SPNS3: variants seen among roughly 807,000 people sequenced by gnomAD.
SPNS3 encodes the protein SPNS lysolipid transporter 3, sphingosine-1-phosphate (putative).
Under a neutral mutation model 54.4 loss-of-function variants are expected in SPNS3, and 51 were observed. That is an observed-to-expected ratio of 0.94 (90% CI 0.75 to 1.18). The LOEUF is 1.18. Among genes scored for constraint, SPNS3 ranks in the 50% most tolerant of loss-of-function variants. The pLI is 0.00. For missense variants in SPNS3, 669 were observed against 677.4 expected (o/e 0.99, Z 0.14); for synonymous variants, 309 against 294.7 (o/e 1.05, Z -0.50).
Position 4,486,088 on chromosome 17 carries a change from C to A in SPNS3, c.1180-140C>A. ...TGATGTTCTGGGGTGGGACTTTAGA[C>A]CTTGGGGACCGTCGACTCCCTCCCA... On this transcript the variant is annotated intron_variant, in intron 9 of 11. Coordinates refer to ENST00000355530, the MANE Select transcript of SPNS3 (RefSeq NM_182538.5). This position sits in a 1 kb window ranked among gnomAD's most constrained non-coding sequence, Gnocchi z 5.5. The A allele has an allele frequency of 1.5e-6, 1 of 651,102 alleles. No individual in the cohort carries two copies. The highest frequency in any genetic ancestry group is 2.4e-6 in the Non-Finnish European group (1 of 409,112). 40.3% of individuals were successfully genotyped at this position (651,102 alleles called of 1,614,324 possible). A position where few individuals can be genotyped will look rare whatever the true frequency, so the allele number is the denominator to read the frequency against.
intron 8 of SPNS3, among the ~76,000 whole-genome samples, chr17:4,459,279 T>G (rs748063571): frequency 1.3e-5 from 2 of 152,168 alleles, no homozygotes; most frequent in Non-Finnish European, 2.9e-5. Context: ...TGAAGCACAG[T>G]GTCAGGCACG....
At chr17:4,458,373 C>G (rs1346117451) in intron 8 of SPNS3, among the ~76,000 whole-genome samples, 1 of 121,904 alleles carries the variant, frequency 8.2e-6, no homozygotes, top group East Asian at 2.0e-4. Context: ...CTCTCTCCCT[C>G]CCTCCCTTTC....
Position 4,448,320 on chromosome 17 carries a change from C to T in SPNS3, c.770+17C>T, listed in dbSNP as rs567810323. On this transcript the variant is annotated intron_variant, in intron 6 of 11. Coordinates refer to ENST00000355530, the MANE Select transcript of SPNS3 (RefSeq NM_182538.5). Reference sequence around the variant, plus strand: ...GGGGAAAAAGTGAGTATCCCTGCTACCCCCTGCAAGGCACAGAAAAGCCCG... The same window carrying T: ...GGGGAAAAAGTGAGTATCCCTGCTATCCCCTGCAAGGCACAGAAAAGCCCG... 1.3e-6 allele frequency: 2 copies of T among 1,522,962 alleles called. No homozygotes were observed. The highest frequency in any genetic ancestry group is 2.2e-5 in the Admixed American group (1 of 44,758). 94.3% of individuals were successfully genotyped at this position (1,522,962 alleles called of 1,614,324 possible).
intron 8 of SPNS3, among the ~76,000 whole-genome samples, chr17:4,463,099 C>T (rs1000912217): frequency 2.0e-5 from 3 of 151,858 alleles, no homozygotes; most frequent in African/African-American, 7.3e-5. Context: ...TGTGTGTAGA[C>T]ATTAAAATGA....
At chr17:4,473,795 A>G (rs1225576907) in intron 8 of SPNS3, among the ~76,000 whole-genome samples, 2 of 152,178 alleles carry the variant, frequency 1.3e-5, no homozygotes, top group Admixed American at 1.3e-4. Flanking sequence ...GAGATCAGCC[A>G]GGACGTGGTC....
At chr17:4,456,630 A>G (rs1048117403) in intron 8 of SPNS3, among the ~76,000 whole-genome samples, 1 of 151,962 alleles carries the variant, frequency 6.6e-6, no homozygotes, top group Non-Finnish European at 1.5e-5. Context: ...GGTTCAAGCA[A>G]TTCTCCTGCC....
At position 4,453,010 on chromosome 17, in the gene SPNS3, C is replaced by T; in HGVS notation, c.924-6C>T. On this transcript the variant is annotated splice_polypyrimidine_tract_variant and splice_region_variant and intron_variant, in intron 7 of 11. Transcript: ENST00000355530. ...TGACCAACCCTTCTGTGCTCTTCCC[C>T]ATCAGCCTGATTTTTGGGGCACTGA... The T allele has an allele frequency of 2.5e-6, 4 of 1,611,978 alleles. No homozygotes were observed. Among genetic ancestry groups the T allele is most frequent in the Non-Finnish European group, 2.5e-6 (3 of 1,178,688 alleles).
rs375359297 is a variant in SPNS3 at position 4,486,404 on chromosome 17, C to T, written c.1279-8C>T. ...GGGCCTGGCAGACTCATCCCTTCTC[C>T]TCCGCAGATCTCTAGTGTCCTGCGG... On this transcript the variant is annotated splice_region_variant and splice_polypyrimidine_tract_variant and intron_variant, in intron 10 of 11. Coordinates refer to ENST00000355530, the MANE Select transcript of SPNS3 (RefSeq NM_182538.5). This position sits in a 1 kb window ranked among gnomAD's most constrained non-coding sequence, Gnocchi z 5.5. The T allele has an allele frequency of 8.2e-5, 132 of 1,600,948 alleles. No individual in the cohort carries two copies. The highest frequency in any genetic ancestry group is 1.1e-4 in the Non-Finnish European group (126 of 1,172,334).
chr17:4,458,778 C>T (rs558196026), intron 8 of SPNS3, among the ~76,000 whole-genome samples: 34 of 151,626 alleles, frequency 2.2e-4, no homozygotes, highest in Non-Finnish European at 2.9e-4. Flanking sequence ...TGCTGCCTCC[C>T]GAGTAGCTGG....
At chr17:4,459,654 G>A (rs7222742) in intron 8 of SPNS3, among the ~76,000 whole-genome samples, 143,310 of 152,102 alleles carry the variant, frequency 0.94, 68,545 homozygotes, top group African/African-American at 0.99. Context: ...TGGAGGTTGC[G>A]GTGAGCTGAG....
intron 8 of SPNS3, among the ~76,000 whole-genome samples, chr17:4,465,244 G>A (rs377265980): frequency 6.6e-6 from 1 of 152,192 alleles, no homozygotes; most frequent in African/African-American, 2.4e-5. Flanking sequence ...TCTCCGTGTG[G>A]TCTGTGCTTC....
chr17:4,486,364 G>C lies in SPNS3; in HGVS notation c.1278+38G>C. Reference sequence around the variant, plus strand: ...TGCGTGTGTGGGGTGGGGAGGGTCTGGGGGCCAGGCTGGTGGGCCTGGCAG... The same window carrying C: ...TGCGTGTGTGGGGTGGGGAGGGTCTCGGGGCCAGGCTGGTGGGCCTGGCAG... On this transcript the variant is annotated intron_variant, in intron 10 of 11. Transcript: ENST00000355530. This position sits in a 1 kb window ranked among gnomAD's most constrained non-coding sequence, Gnocchi z 5.5. 1 of 1,598,252 alleles carries C rather than the reference G, an allele frequency of 6.3e-7. No homozygotes were observed. The highest frequency in any genetic ancestry group is 8.5e-7 in the Non-Finnish European group (1 of 1,172,374).
In SPNS3 at chr17:4,434,066, G is replaced by A. The variant is rs758639290; in HGVS notation, c.99G>A (p.Thr33=). 18 of 1,610,954 alleles carry A rather than the reference G, an allele frequency of 1.1e-5. No individual in the cohort carries two copies. The highest frequency in any genetic ancestry group is 1.6e-4 in the Middle Eastern group (1 of 6,070). Residue 33 remains threonine (T), a synonymous_variant, in exon 1 of 12, where the codon ACG becomes ACA. Coordinates refer to ENST00000355530, the MANE Select transcript of SPNS3 (RefSeq NM_182538.5). ...GPGRQCPPPI[T]PTSWSLPPWR... is the part of the protein sequence containing the mutation. ...GCAGGCAGTGTCCCCCTCCCATCAC[G>A]CCCACCTCCTGGAGCCTGCCCCCGT...
intron 6 of SPNS3, 108 bp from the exon 7 acceptor site, chr17:4,449,127 T>G: frequency 2.0e-4 from 253 of 1,277,852 alleles, no homozygotes; most frequent in Non-Finnish European, 2.5e-4. Flanking sequence ...TTGAAGGTAA[T>G]GAGACAAGAT....
Position 4,458,249 on chromosome 17 carries a change from GTCTGTTCT to G in SPNS3, c.1113+5055_1113+5062del, listed in dbSNP as rs531669212. On this transcript the variant is annotated intron_variant, in intron 8 of 11. Transcript: ENST00000355530. ...CGTGTCTTCCTGCTCACCCACTACA[GTCTGTTCT>G]TCTGTTCTTCACACACTGCCAGAGT... Among the ~76,000 whole-genome samples, 475 of 152,228 alleles carry G rather than the reference GTCTGTTCT, an allele frequency of 3.1e-3. 1 individual carries two copies. Among genetic ancestry groups the G allele is most frequent in the African/African-American group, 0.011 (463 of 41,530 alleles).
intron 1 of SPNS3, among the ~76,000 whole-genome samples, chr17:4,436,834 G>C (rs1341802755): frequency 4.6e-5 from 7 of 152,218 alleles, no homozygotes; most frequent in Non-Finnish European, 1.0e-4. Flanking sequence ...AGCTGAGGAG[G>C]CCTGAGTTGG....
At chr17:4,455,461 G>C (rs79182114) in intron 8 of SPNS3, among the ~76,000 whole-genome samples, 2,743 of 152,336 alleles carry the variant, frequency 0.018, 73 homozygotes, top group African/African-American at 0.062. Flanking sequence ...CCAGAGGCGG[G>C]GTGTGGGGGG....
At chr17:4,465,142 G>C (rs191642704) in intron 8 of SPNS3, among the ~76,000 whole-genome samples, 1 of 152,282 alleles carries the variant, frequency 6.6e-6, no homozygotes, top group East Asian at 1.9e-4. Flanking sequence ...TAAGGGTGAG[G>C]GGCTGGATCA....
intron 9 of SPNS3, among the ~76,000 whole-genome samples, chr17:4,479,240 C>T (rs577714053): frequency 6.6e-5 from 10 of 152,230 alleles, no homozygotes; most frequent in Non-Finnish European, 1.5e-4. Context: ...CGTGCCTGGC[C>T]CCTCCCTCCT....
Sources: gnomAD v4.1 joint callset for allele counts (sites outside exome capture counted in the v4.1 genomes callset) on GRCh38, gnomAD v4.1.1 for gene constraint, Gnocchi (gnomAD v3.1) non-coding constraint, MANE v1.5 for transcripts, NCBI Gene and HGNC (gene_info 2026-07-23, HGNC 2026-07-21) for gene names.